The following LRRFIP1 variants were observed in gnomAD, a reference collection of about 807,000 sequenced individuals.
LRRFIP1 encodes LRR binding FLII interacting protein 1, also known as leucine-rich repeat flightless-interacting protein 1.
LRRFIP1 carries 62 observed loss-of-function variants against 104.4 expected under a neutral mutation model. The ratio of observed to expected loss-of-function variants is 0.59; its 90% confidence interval spans 0.48 to 0.73. The LOEUF (loss-of-function observed/expected upper bound fraction) is 0.73. Ranked by LOEUF, LRRFIP1 falls within the 30% of genes least tolerant of loss-of-function variation. The pLI is 0.00. For synonymous variants in LRRFIP1, 300 were observed against 299.0 expected (o/e 1.00, Z -0.03); for missense variants, 796 against 824.5 (o/e 0.97, Z 0.42).
chr2:237,779,678 C>A lies in LRRFIP1; in HGVS notation c.*146C>A. The A allele has an allele frequency of 1.6e-6, 1 of 634,024 alleles. No individual in the cohort carries two copies. The highest frequency in any genetic ancestry group is 2.6e-6 in the Non-Finnish European group (1 of 378,434). 39.3% of individuals were successfully genotyped at this position (634,024 alleles called of 1,614,324 possible). Reference sequence around the variant, plus strand: ...AGCTTGGCGCTTAGGGGCTCCCGTGCCATGGCTCACCCCAGGGAGCCCCAG... The same window carrying A: ...AGCTTGGCGCTTAGGGGCTCCCGTGACATGGCTCACCCCAGGGAGCCCCAG... On this transcript the variant is annotated 3_prime_UTR_variant, in exon 24 of 24. Transcript: ENST00000308482.
At chr2:237,698,809 C>T (rs78176700) in intron 1 of LRRFIP1, among the ~76,000 whole-genome samples, 2,288 of 144,864 alleles carry the variant, frequency 0.016, 20 homozygotes, top group Middle Eastern at 0.03. Context: ...GATGGAGAGA[C>T]GAGAGATCCA....
rs1230966269 is a variant in LRRFIP1, at chr2:237,711,379, T to C, written c.183+2749T>C. ...TTCAGGGGTCACAGGGGTCAAGATA[T>C]CTCGCCCTGTTGCAAATTCGGCGGA... is the stretch of plus-strand genomic sequence containing the variant. On this transcript the variant is annotated intron_variant, in intron 2 of 23. Transcript: ENST00000308482. This position sits in a 1 kb window ranked among gnomAD's most constrained non-coding sequence, Gnocchi z 4.4. Among the ~76,000 whole-genome samples the C allele has an allele frequency of 1.3e-5, 2 of 152,206 alleles. No homozygotes were observed. Among genetic ancestry groups the C allele is most frequent in the Admixed American group, 1.3e-4 (2 of 15,286 alleles).
At chr2:237,705,825 G>A (rs1287710228) in intron 1 of LRRFIP1, among the ~76,000 whole-genome samples, 1 of 152,176 alleles carries the variant, frequency 6.6e-6, no homozygotes, top group East Asian at 1.9e-4. Context: ...GTGGTTGTAG[G>A]ACTGTGGTCA....
At chr2:237,715,043 T>C (rs1368498432) in intron 3 of LRRFIP1, among the ~76,000 whole-genome samples, 2 of 152,248 alleles carry the variant, frequency 1.3e-5, no homozygotes, top group Non-Finnish European at 2.9e-5. Context: ...ATTTTTCTCT[T>C]AGAGCAGATG....
intron 21 of LRRFIP1, chr2:237,772,553 G>A (rs1666871173): frequency 4.1e-6 from 2 of 493,064 alleles, no homozygotes; most frequent in Admixed American, 3.7e-5. Context: ...CAGTCTTAAG[G>A]GAGATAAAAT....
intron 19 of LRRFIP1, chr2:237,762,651 G>A (rs201813110): frequency 6.2e-7 from 1 of 1,610,564 alleles, no homozygotes; most frequent in Admixed American, 1.7e-5. Context: ...GCGAATGTGG[G>A]GAAAAGAGAA....
intron 1 of LRRFIP1, among the ~76,000 whole-genome samples, chr2:237,705,400 G>T (rs2093753667): frequency 6.6e-6 from 1 of 152,182 alleles, no homozygotes; most frequent in African/African-American, 2.4e-5. Context: ...AGTGGCTCAT[G>T]CTGGTAATCC....
chr2:237,743,022 C>T (rs1463811570), intron 11 of LRRFIP1, among the ~76,000 whole-genome samples: 1 of 148,898 alleles, frequency 6.7e-6, no homozygotes, highest in East Asian at 2.0e-4. Context: ...AAGAAACCCC[C>T]CCAAAAAAAC....
At chr2:237,682,290 C>T (rs1324068671) in intron 1 of LRRFIP1, among the ~76,000 whole-genome samples, 1 of 152,062 alleles carries the variant, frequency 6.6e-6, no homozygotes, top group Non-Finnish European at 1.5e-5. Context: ...CTTGTTCATG[C>T]CAGGCTCAGG....
intron 1 of LRRFIP1, among the ~76,000 whole-genome samples, chr2:237,627,970 C>A (rs2081822934): frequency 6.6e-6 from 1 of 150,950 alleles, no homozygotes; most frequent in African/African-American, 2.4e-5. Flanking sequence ...CAGCCCCGGG[C>A]CCAGCCCGCG....
intron 1 of LRRFIP1, chr2:237,692,147 G>T (rs1379905936): frequency 8.0e-6 from 8 of 993,808 alleles, no homozygotes; most frequent in Non-Finnish European, 9.6e-6. Context: ...GCGGAACTGC[G>T]TGGGGGGCGG....
Position 237,735,488 on chromosome 2 carries a change from G to A in LRRFIP1, c.555+155G>A. 1.6e-6 allele frequency: 1 copy of A among 636,420 alleles called. No homozygotes were observed. The highest frequency in any genetic ancestry group is 2.6e-6 in the Non-Finnish European group (1 of 378,350). The allele number at this position is 636,420 out of a possible 1,614,324, so 39.4% of individuals were successfully genotyped here. On this transcript the variant is annotated intron_variant, in intron 10 of 23. Coordinates refer to ENST00000308482, the MANE Select transcript of LRRFIP1 (RefSeq NM_001137550.2). This position sits in a 1 kb window ranked among gnomAD's most constrained non-coding sequence, Gnocchi z 4.6. ...ACCGCCACCTTCCATTGTAATGAAG[G>A]TCACAAATAATGTGAATCAGGAAAC...
At chr2:237,693,657 A>G (rs2092967283) in intron 1 of LRRFIP1, among the ~76,000 whole-genome samples, 1 of 152,080 alleles carries the variant, frequency 6.6e-6, no homozygotes. Flanking sequence ...GAAGGGTGGG[A>G]ATGTGGTTGA....
chr2:237,693,903 G>A (rs964410215), intron 1 of LRRFIP1, among the ~76,000 whole-genome samples: 1 of 152,190 alleles, frequency 6.6e-6, no homozygotes. Context: ...TCCTGGGCGG[G>A]TCTGGGTTCA....
intron 3 of LRRFIP1, among the ~76,000 whole-genome samples, chr2:237,716,106 A>G (rs1052800764): frequency 5.9e-5 from 9 of 152,250 alleles, no homozygotes; most frequent in Non-Finnish European, 4.4e-5. Context: ...TTGTGAATTT[A>G]TATAGCCCCC....
intron 1 of LRRFIP1, among the ~76,000 whole-genome samples, chr2:237,653,631 A>G (rs962677465): frequency 6.6e-6 from 1 of 152,230 alleles, no homozygotes; most frequent in African/African-American, 2.4e-5. Flanking sequence ...GTAACCATCA[A>G]AACAGCATGG....
intron 7 of LRRFIP1, among the ~76,000 whole-genome samples, chr2:237,724,051 T>G: frequency 9.8e-6 from 1 of 101,656 alleles, no homozygotes; most frequent in South Asian, 3.7e-4. Flanking sequence ...CAATCTGACT[T>G]TTTTTTTTTT....
At position 237,664,754 on chromosome 2, in the gene LRRFIP1, A is replaced by G. The variant is rs182132967; in HGVS notation, c.96+37014A>G. Among the ~76,000 whole-genome samples, 284 of 152,346 alleles carry G rather than the reference A, an allele frequency of 1.9e-3. 1 individual carries two copies. The highest frequency in any genetic ancestry group is 6.7e-3 in the African/African-American group (278 of 41,582). Reference sequence around the variant, plus strand: ...AGCCCCATCCTTCTCTGGTATAAAGAACGTTGCGATGAACATCCACTGGCA... The same window carrying G: ...AGCCCCATCCTTCTCTGGTATAAAGGACGTTGCGATGAACATCCACTGGCA... On this transcript the variant is annotated intron_variant, in intron 1 of 23. Transcript: ENST00000308482.
At chr2:237,744,378 C>G (rs138946481) in intron 11 of LRRFIP1, among the ~76,000 whole-genome samples, 2 of 152,088 alleles carry the variant, frequency 1.3e-5, no homozygotes, top group African/African-American at 4.8e-5. Context: ...TCCTTTTGTA[C>G]CTGGGCCCTT....
Sources: allele counts gnomAD v4.1 joint callset (sites outside exome capture counted in the v4.1 genomes callset), GRCh38; gene constraint gnomAD v4.1.1; non-coding constraint Gnocchi (gnomAD v3.1); transcripts MANE v1.5; gene names NCBI Gene and HGNC (gene_info 2026-07-23, HGNC 2026-07-21).